DLG2: variants seen among roughly 807,000 people sequenced by gnomAD.
The protein encoded by DLG2 is disks large homolog 2.
Under a neutral mutation model 132.5 loss-of-function variants are expected in DLG2, and 45 were observed. That is an observed-to-expected ratio of 0.34 (90% CI 0.27 to 0.44). The LOEUF (loss-of-function observed/expected upper bound fraction) is 0.44, where lower values mean the gene tolerates loss of function less well. DLG2 is among the 20% of genes least tolerant of loss of function. The pLI, the probability that DLG2 is intolerant of heterozygous loss-of-function variation, is 1.00. For synonymous variants in DLG2, 424 were observed against 419.6 expected (o/e 1.01, Z -0.13); for missense variants, 1,045 against 1,196.9 (o/e 0.87, Z 1.87).
intron 6 of DLG2, among the ~76,000 whole-genome samples, chr11:84,835,255 T>C (rs1005210125): frequency 5.3e-5 from 8 of 151,638 alleles, no homozygotes; most frequent in African/African-American, 1.5e-4. Context: ...AACTAATATA[T>C]AGATAACATG....
chr11:84,448,593 G>C (rs560425919), intron 7 of DLG2, among the ~76,000 whole-genome samples: 1 of 151,970 alleles, frequency 6.6e-6, no homozygotes, highest in African/African-American at 2.4e-5. Flanking sequence ...TTTTATATGT[G>C]ACAAATCTTG....
chr11:84,686,721 T>G (rs1406252353), intron 6 of DLG2: 1 of 151,222 alleles, frequency 6.6e-6, no homozygotes, highest in Non-Finnish European at 1.5e-5. Flanking sequence ...CAGTCGATAG[T>G]GACTGCCTAA....
At chr11:84,720,175 A>T in intron 6 of DLG2, 1 of 796,976 alleles carries the variant, frequency 1.3e-6, no homozygotes, top group Non-Finnish European at 1.5e-6. Flanking sequence ...TCCCAGAAAG[A>T]GCAGAGCAGT....
intron 6 of DLG2, among the ~76,000 whole-genome samples, chr11:84,554,274 T>G (rs1239799532): frequency 5.9e-5 from 9 of 152,170 alleles, no homozygotes; most frequent in Admixed American, 5.9e-4. Context: ...TTTTTAACCC[T>G]AAAAATCATT....
At chr11:83,539,030 C>A (rs2095980650) in intron 20 of DLG2, among the ~76,000 whole-genome samples, 1 of 152,156 alleles carries the variant, frequency 6.6e-6, no homozygotes, top group South Asian at 2.1e-4. Context: ...CATTAATGAA[C>A]CTCTCTGTGC....
intron 3 of DLG2, among the ~76,000 whole-genome samples, chr11:85,500,449 C>T (rs1226641417): frequency 1.4e-5 from 2 of 146,138 alleles, no homozygotes; most frequent in Non-Finnish European, 3.0e-5. Flanking sequence ...CTAGATGACA[C>T]ATTAGTGGGT....
chr11:83,957,766 C>A, intron 14 of DLG2, among the ~76,000 whole-genome samples: 1 of 152,120 alleles, frequency 6.6e-6, no homozygotes, highest in Non-Finnish European at 1.5e-5. Context: ...GTTGCAGGAA[C>A]ACAGTAAACT....
intron 6 of DLG2, among the ~76,000 whole-genome samples, chr11:84,605,881 G>A (rs1448106878): frequency 6.6e-6 from 1 of 151,886 alleles, no homozygotes; most frequent in Non-Finnish European, 1.5e-5. Flanking sequence ...TCATGCTGTG[G>A]AATTTACAAC....
At chr11:84,667,275 T>C (rs1175532951) in intron 6 of DLG2, among the ~76,000 whole-genome samples, 1 of 152,106 alleles carries the variant, frequency 6.6e-6, no homozygotes, top group Non-Finnish European at 1.5e-5. Context: ...AGAAAGCTAA[T>C]GCATGTCTTG....
chr11:84,975,869 T>C (rs1275475932), intron 6 of DLG2, among the ~76,000 whole-genome samples: 2 of 152,236 alleles, frequency 1.3e-5, no homozygotes, highest in South Asian at 4.1e-4. Context: ...CCAGTCTTCA[T>C]GTTTAGCACT....
intron 4 of DLG2, among the ~76,000 whole-genome samples, chr11:85,154,930 T>C: frequency 6.6e-6 from 1 of 152,238 alleles, no homozygotes; most frequent in East Asian, 1.9e-4. Flanking sequence ...AAATGGATGA[T>C]CTGGTTAAAG....
At chr11:83,745,116 C>A (rs1403973161) in intron 18 of DLG2, among the ~76,000 whole-genome samples, 2 of 152,164 alleles carry the variant, frequency 1.3e-5, no homozygotes, top group Non-Finnish European at 2.9e-5. Context: ...GCATCGCGAT[C>A]AACTCATCTG....
chr11:85,428,385 C>T (rs980822328), intron 3 of DLG2, among the ~76,000 whole-genome samples: 5 of 152,234 alleles, frequency 3.3e-5, no homozygotes, highest in African/African-American at 1.2e-4. Context: ...AAGTAAAGCA[C>T]TCCTCAGCAA....
chr11:84,695,195 G>T (rs1440062502), intron 6 of DLG2, among the ~76,000 whole-genome samples: 1 of 151,484 alleles, frequency 6.6e-6, no homozygotes, highest in Non-Finnish European at 1.5e-5. Flanking sequence ...TGCAGAATAG[G>T]CCTAGGCTTT....
intron 18 of DLG2, among the ~76,000 whole-genome samples, chr11:83,785,601 G>A (rs1271078431): frequency 6.6e-6 from 1 of 152,108 alleles, no homozygotes; most frequent in African/African-American, 2.4e-5. Context: ...CTAAAGCCAG[G>A]CACAACTGAA....
intron 16 of DLG2, among the ~76,000 whole-genome samples, chr11:83,857,032 T>C (rs1006395969): frequency 4.6e-5 from 7 of 152,222 alleles, no homozygotes; most frequent in Admixed American, 6.5e-5. Context: ...AGTTTTAATC[T>C]TCTGTATATG....
chr11:84,664,217 A>G (rs1455502900), intron 6 of DLG2, among the ~76,000 whole-genome samples: 1 of 152,192 alleles, frequency 6.6e-6, no homozygotes, highest in Admixed American at 6.5e-5. Context: ...TGTGAATGAC[A>G]TTTGTGTACA....
intron 18 of DLG2, among the ~76,000 whole-genome samples, chr11:83,754,127 A>C (rs967073559): frequency 1.3e-5 from 2 of 150,384 alleles, no homozygotes; most frequent in Non-Finnish European, 2.9e-5. Context: ...ATTTATCCTG[A>C]ATTATCCAAA....
intron 7 of DLG2, among the ~76,000 whole-genome samples, chr11:84,500,770 TA>T (rs1482473245): frequency 2.6e-5 from 4 of 152,120 alleles, no homozygotes; most frequent in Admixed American, 2.6e-4. Flanking sequence ...ATAGATAATT[TA>T]AAAAGTAATG....
Sources: allele counts gnomAD v4.1 joint callset (sites outside exome capture counted in the v4.1 genomes callset), GRCh38; gene constraint gnomAD v4.1.1; transcripts MANE v1.5; gene names NCBI Gene and HGNC (gene_info 2026-07-23, HGNC 2026-07-21).